Variants in GKAP1 observed in about 807,000 individuals in gnomAD.
The protein encoded by GKAP1 is G kinase-anchoring protein 1.
GKAP1 carries 31 observed loss-of-function variants against 56.7 expected under a neutral mutation model. The observed-to-expected ratio is 0.55, with a 90% confidence interval of 0.41 to 0.74. The LOEUF is 0.74. Ranked by LOEUF, GKAP1 falls within the 30% of genes least tolerant of loss-of-function variation. GKAP1 has a pLI of 0.00. For synonymous variants in GKAP1, 151 were observed against 138.6 expected, an observed-to-expected ratio of 1.09 and a Z score of -0.63; for missense variants, 364 against 402.3, an observed-to-expected ratio of 0.90 and a Z score of 0.82.
chr9:83,809,243 C>G (rs1258798599), intron 2 of GKAP1, among the ~76,000 whole-genome samples: 4 of 152,200 alleles, frequency 2.6e-5, no homozygotes, highest in Non-Finnish European at 5.9e-5. Flanking sequence ...TAAGGCAGAG[C>G]TATCTTACCA....
intron 3 of GKAP1, 50 bp downstream of exon 3, chr9:83,806,252 G>A: frequency 8.2e-7 from 1 of 1,215,020 alleles, no homozygotes; most frequent in Non-Finnish European, 1.2e-6. Context: ...TCTGTTCTCA[G>A]GATGATTACC....
chr9:83,749,171 A>T (rs1010877013), intron 9 of GKAP1: 19 of 151,480 alleles, frequency 1.3e-4, no homozygotes, highest in African/African-American at 4.6e-4. Context: ...ATTTTACCCC[A>T]TGCTACCCTT....
chr9:83,788,834 C>G (rs1470966990), intron 4 of GKAP1, 156 bp from the exon 5 acceptor site: 3 of 455,824 alleles, frequency 6.6e-6, no homozygotes, highest in Non-Finnish European at 7.7e-6. Context: ...AACTAGGAAG[C>G]CTATATTCTA....
At chr9:83,807,887 G>T (rs769878924) in intron 2 of GKAP1, among the ~76,000 whole-genome samples, 63 of 152,192 alleles carry the variant, frequency 4.1e-4, no homozygotes, top group Non-Finnish European at 1.8e-4. Context: ...ATTATCGTTT[G>T]TATGTTTTCA....
At chr9:83,757,675 T>C (rs781559377) in intron 8 of GKAP1, among the ~76,000 whole-genome samples, 9 of 152,164 alleles carry the variant, frequency 5.9e-5, no homozygotes, top group South Asian at 2.1e-4. Flanking sequence ...TAACACATTA[T>C]ATGGCATTAA....
intron 7 of GKAP1, among the ~76,000 whole-genome samples, chr9:83,773,099 A>T (rs1446283810): frequency 6.6e-6 from 1 of 152,228 alleles, no homozygotes; most frequent in Non-Finnish European, 1.5e-5. Flanking sequence ...AGAAATTAAA[A>T]CATATCCACA....
intron 10 of GKAP1, among the ~76,000 whole-genome samples, chr9:83,743,109 G>A (rs1943235526): frequency 6.6e-6 from 1 of 152,198 alleles, no homozygotes; most frequent in Non-Finnish European, 1.5e-5. Flanking sequence ...GTTGCTGTGA[G>A]CCAAGATGGT....
At chr9:83,758,989 A>AAAAACTTCTAATTTTTTCATTTAT (rs1564192498) in intron 8 of GKAP1, among the ~76,000 whole-genome samples, 44 of 152,072 alleles carry the variant, frequency 2.9e-4, no homozygotes, top group Middle Eastern at 6.9e-3. Context: ...ATGAAAGCTA[A>AAAAACTTCTAATTTTTTCATTTAT]GAAAAACTTC....
chr9:83,750,351 T>A (rs940582293), intron 9 of GKAP1, among the ~76,000 whole-genome samples: 1 of 152,230 alleles, frequency 6.6e-6, no homozygotes, highest in East Asian at 1.9e-4. Context: ...CACGTGTTGT[T>A]ACTGCACTGT....
Position 83,739,630 on chromosome 9 carries a change from A to G in GKAP1, c.*67T>C. 1 of 1,299,692 alleles carries G rather than the reference A, an allele frequency of 7.7e-7. No homozygotes were observed. The highest frequency in any genetic ancestry group is 1.1e-6 in the Non-Finnish European group (1 of 923,680). The allele number at this position is 1,299,692 out of a possible 1,614,324, so 80.5% of individuals were successfully genotyped here. ...CATAGTTTAGCAGTTGCACAGCATTAAATATATACAACTTTGCAAAATCCT... is the reference window on the plus strand; with the variant it reads ...CATAGTTTAGCAGTTGCACAGCATTGAATATATACAACTTTGCAAAATCCT... On this transcript the variant is annotated 3_prime_UTR_variant, in exon 13 of 13. Coordinates refer to ENST00000376371, the MANE Select transcript of GKAP1 (RefSeq NM_025211.4).
rs1943171671 is a variant in GKAP1, at chr9:83,739,548, A to C, written c.*149T>G. 2 of 467,250 alleles carry C rather than the reference A, an allele frequency of 4.3e-6. No homozygotes were observed. The highest frequency in any genetic ancestry group is 3.7e-6 in the Non-Finnish European group (1 of 266,802). 28.9% of individuals were successfully genotyped at this position (467,250 alleles called of 1,614,324 possible). A position where few individuals can be genotyped will look rare whatever the true frequency, so the allele number is the denominator to read the frequency against. On this transcript the variant is annotated 3_prime_UTR_variant, in exon 13 of 13. Coordinates refer to ENST00000376371, the MANE Select transcript of GKAP1 (RefSeq NM_025211.4). ...TTCTTTTTCACTTTAAGCCAAAAGA[A>C]ATAAAATTATAGACCATTAGGGAGC...
intron 6 of GKAP1, among the ~76,000 whole-genome samples, chr9:83,782,660 C>CTTTTTTTTTT (rs772629569): frequency 4.3e-5 from 5 of 117,446 alleles, no homozygotes; most frequent in Non-Finnish European, 8.9e-5. Context: ...CGCGCCCAGC[C>CTTTTTTTTTT]TTTTTTTTTT....
At chr9:83,771,070 A>T (rs1379653935) in intron 7 of GKAP1, among the ~76,000 whole-genome samples, 1 of 151,622 alleles carries the variant, frequency 6.6e-6, no homozygotes, top group African/African-American at 2.4e-5. Flanking sequence ...TATGTCCCAC[A>T]TTCTCTTTTT....
intron 7 of GKAP1, among the ~76,000 whole-genome samples, chr9:83,774,396 G>A (rs1314508135): frequency 6.6e-6 from 1 of 151,484 alleles, no homozygotes; most frequent in African/African-American, 2.4e-5. Flanking sequence ...GAGCCCCGGA[G>A]TTCAAGACCA....
rs141456948 is a variant in GKAP1 at position 83,741,027 on chromosome 9, A to G, written c.1053+925T>C. Among the ~76,000 whole-genome samples the G allele has an allele frequency of 3.6e-3, 550 of 152,240 alleles. 9 individuals are homozygous for G. Among genetic ancestry groups the G allele is most frequent in the African/African-American group, 0.013 (542 of 41,574 alleles). Reference sequence around the variant, plus strand: ...TGTAATGACATGTATTAAAAACAAGATTTATTTCCAGTTAGCAGAAAAATA... The same window carrying G: ...TGTAATGACATGTATTAAAAACAAGGTTTATTTCCAGTTAGCAGAAAAATA... On this transcript the variant is annotated intron_variant, in intron 12 of 12. Coordinates refer to ENST00000376371, the MANE Select transcript of GKAP1 (RefSeq NM_025211.4).
At chr9:83,782,566 C>T (rs369397078) in intron 6 of GKAP1, among the ~76,000 whole-genome samples, 1 of 151,426 alleles carries the variant, frequency 6.6e-6, no homozygotes, top group African/African-American at 2.4e-5. Context: ...CCATGTTGGC[C>T]AGGCTGGTCT....
chr9:83,812,183 A>C (rs956899485), intron 2 of GKAP1, among the ~76,000 whole-genome samples: 5 of 150,054 alleles, frequency 3.3e-5, no homozygotes, highest in African/African-American at 1.2e-4. Flanking sequence ...GACTATATAA[A>C]TATATATATA....
At chr9:83,747,839 G>A (rs1016945013) in intron 10 of GKAP1, among the ~76,000 whole-genome samples, 1 of 152,080 alleles carries the variant, frequency 6.6e-6, no homozygotes, top group Non-Finnish European at 1.5e-5. Flanking sequence ...GTTTCACCAT[G>A]TTGGCCAGGC....
intron 4 of GKAP1, among the ~76,000 whole-genome samples, chr9:83,798,323 A>G (rs949502639): frequency 6.6e-6 from 1 of 152,220 alleles, no homozygotes; most frequent in African/African-American, 2.4e-5. Flanking sequence ...TTCCAGGCTT[A>G]GTATGTTATT....
Sources: gnomAD v4.1 joint callset for allele counts (sites outside exome capture counted in the v4.1 genomes callset) on GRCh38, gnomAD v4.1.1 for gene constraint, MANE v1.5 for transcripts, NCBI Gene and HGNC (gene_info 2026-07-23, HGNC 2026-07-21) for gene names.